P2RY2: variants seen among roughly 807,000 people sequenced by gnomAD.
P2RY2 encodes the protein P2Y purinoceptor 2.
For missense variants in P2RY2, 567 were observed against 515.7 expected, an observed-to-expected ratio of 1.10 and a Z score of -0.96; for synonymous variants, 241 against 231.9, an observed-to-expected ratio of 1.04 and a Z score of -0.35.
intron 1 of P2RY2, among the ~76,000 whole-genome samples, chr11:73,220,094 G>T (rs145450347): frequency 6.6e-6 from 1 of 152,170 alleles, no homozygotes; most frequent in Admixed American, 6.5e-5. Flanking sequence ...CAGCAGTGGC[G>T]CCCATCCCCT....
At position 73,236,835 on chromosome 11, in the gene P2RY2, G is replaced by A; in HGVS notation, c.*1542G>A. 1 of 985,436 alleles carries A rather than the reference G, an allele frequency of 1.0e-6. No homozygotes were observed. The highest frequency in any genetic ancestry group is 1.7e-5 in the African/African-American group (1 of 57,366). The allele number at this position is 985,436 out of a possible 1,614,324, so 61.0% of individuals were successfully genotyped here. ...GGGTCTCACCTATGATAGGTTCTGA[G>A]TCTAGCCAGGACCACTCTGGGCTGA... On this transcript the variant is annotated 3_prime_UTR_variant, in exon 3 of 3. Coordinates refer to ENST00000393597, the MANE Select transcript of P2RY2 (RefSeq NM_002564.4).
At chr11:73,232,661 A>C (rs1293337091) in intron 2 of P2RY2, among the ~76,000 whole-genome samples, 4 of 152,150 alleles carry the variant, frequency 2.6e-5, no homozygotes, top group Non-Finnish European at 5.9e-5. Context: ...CACCCGCCTC[A>C]GCCTCCCAAA....
rs1862735731 is a variant in P2RY2, at chr11:73,239,775, G to C, written c.*4482G>C. On this transcript the variant is annotated 3_prime_UTR_variant, in exon 3 of 3. Transcript: ENST00000393597. ...ACAGCTGCTCCCCGGGCATTTCCAA[G>C]ACCCTCCAGGCCCCCAGCTCTGAGG... The C allele has an allele frequency of 6.6e-6, 1 of 152,442 alleles. No individual in the cohort carries two copies. Among genetic ancestry groups the C allele is most frequent in the Non-Finnish European group, 1.5e-5 (1 of 68,232 alleles). 9.4% of individuals were successfully genotyped at this position (152,442 alleles called of 1,614,324 possible).
rs1335433834 is a variant in P2RY2, at chr11:73,235,895, T to G, written c.*602T>G. On this transcript the variant is annotated 3_prime_UTR_variant, in exon 3 of 3. Transcript: ENST00000393597. ...GGCTCCCATGGGCTAGGAGCCAGTG[T>G]GAGGCTGTAACTTATACTAAAGGTT... 2.0e-6 allele frequency: 2 copies of G among 1,000,274 alleles called. No homozygotes were observed. The highest frequency in any genetic ancestry group is 2.4e-6 in the Non-Finnish European group (2 of 830,076). The allele number at this position is 1,000,274 out of a possible 1,614,324, so 62.0% of individuals were successfully genotyped here.
intron 2 of P2RY2, among the ~76,000 whole-genome samples, chr11:73,229,010 TTC>T (rs1303217985): frequency 6.6e-6 from 1 of 151,690 alleles, no homozygotes; most frequent in Non-Finnish European, 1.5e-5. Flanking sequence ...CATTCATTCA[TTC>T]ATTCATTCAT....
rs755322202 is a variant in P2RY2, at chr11:73,235,183, G to A, written c.1024G>A (p.Asp342Asn). ...ARRRLGLRRS[D>N]RTDMQRIEDV... ...CCGCAGGCTGGGCCTGCGCAGATCC[G>A]ACAGAACTGACATGCAGAGGATAGA... Residue 342 changes from aspartate to asparagine, a missense_variant, in exon 3 of 3, where the codon GAC (aspartate) becomes AAC (asparagine). Physicochemically the swap from Asp to Asn is conservative, Grantham distance 23. Coordinates refer to ENST00000393597, the MANE Select transcript of P2RY2 (RefSeq NM_002564.4). The A allele has an allele frequency of 2.0e-5, 33 of 1,611,342 alleles. No homozygotes were observed. Among genetic ancestry groups the A allele is most frequent in the Non-Finnish European group, 2.5e-5 (30 of 1,179,738 alleles).
intron 1 of P2RY2, among the ~76,000 whole-genome samples, chr11:73,223,213 G>T (rs750289922): frequency 1.6e-4 from 24 of 152,186 alleles, no homozygotes; most frequent in Admixed American, 1.2e-3. Flanking sequence ...AGAATCAGAG[G>T]CTCATGTGGT....
At chr11:73,227,148 A>G (rs113302434) in intron 1 of P2RY2, among the ~76,000 whole-genome samples, 5 of 152,184 alleles carry the variant, frequency 3.3e-5, no homozygotes, top group African/African-American at 9.6e-5. Context: ...CTCATTGTTC[A>G]ACTCCCACTT....
At position 73,236,692 on chromosome 11, in the gene P2RY2, A is replaced by G. The variant is rs1489472979; in HGVS notation, c.*1399A>G. ...GCCCTGACCCTGAGGCTTCCTTTGC[A>G]CTGGGGGTAAATATGAAAGAGATTC... On this transcript the variant is annotated 3_prime_UTR_variant, in exon 3 of 3. Coordinates refer to ENST00000393597, the MANE Select transcript of P2RY2 (RefSeq NM_002564.4). 1.0e-6 allele frequency: 1 copy of G among 985,268 alleles called. No homozygotes were observed. Among genetic ancestry groups the G allele is most frequent in the East Asian group, 1.1e-4 (1 of 8,818 alleles). 61.0% of individuals were successfully genotyped at this position (985,268 alleles called of 1,614,324 possible).
chr11:73,234,485 T>C lies in P2RY2; in HGVS notation c.326T>C (p.Val109Ala). The C allele has an allele frequency of 6.2e-7, 1 of 1,614,142 alleles. No individual in the cohort carries two copies. The highest frequency in any genetic ancestry group is 1.1e-5 in the South Asian group (1 of 91,080). The change falls in exon 3 of 3, where the codon GTG (valine) becomes GCG (alanine). Residue 109 changes from valine to alanine, a missense_variant. Physicochemically the swap from Val to Ala is moderately conservative, Grantham distance 64. Transcript: ENST00000393597. Reference protein sequence around the residue: ...WPFSTVLCKLVRFLFYTNLYC... With the variant: ...WPFSTVLCKLARFLFYTNLYC... ...TTCAGCACGGTGCTCTGCAAGCTGG[T>C]GCGCTTCCTCTTCTACACCAACCTT... is the stretch of plus-strand genomic sequence containing the variant.
chr11:73,227,395 C>T (rs1862309882), intron 1 of P2RY2, among the ~76,000 whole-genome samples: 1 of 151,502 alleles, frequency 6.6e-6, no homozygotes, highest in Non-Finnish European at 1.5e-5. Flanking sequence ...GCATGTACAC[C>T]TTAGTGTGAC....
rs751291117 is a variant in P2RY2, at chr11:73,234,553, T to G, written c.394T>G (p.Cys132Gly). Residue 132 changes from cysteine to glycine, a missense_variant, in exon 3 of 3, where the codon TGT (cysteine) becomes GGT (glycine). By Grantham distance (159) the Cys-to-Gly change is radical. Transcript: ENST00000393597. ...LFLTCISVHR[C>G]LGVLRPLRSL... ...CCTCACCTGCATCAGCGTGCACCGG[T>G]GTCTGGGCGTCTTACGACCTCTGCG... is the stretch of plus-strand genomic sequence containing the variant. The G allele has an allele frequency of 6.3e-7, 1 of 1,596,486 alleles. No homozygotes were observed. Among genetic ancestry groups the G allele is most frequent in the African/African-American group, 1.3e-5 (1 of 74,672 alleles).
In P2RY2 at chr11:73,234,930, C is replaced by T; in HGVS notation, c.771C>T (p.Cys257=). ...TGGTGCTGGCTGTCTTCGCCCTCTGCTTCCTGCCATTCCACGTCACCCGCA... is the reference window on the plus strand; with the variant it reads ...TGGTGCTGGCTGTCTTCGCCCTCTGTTTCCTGCCATTCCACGTCACCCGCA... ...IAVVLAVFAL[C]FLPFHVTRTL... The change falls in exon 3 of 3, where the codon TGC becomes TGT. Residue 257 remains cysteine, a synonymous_variant. Transcript: ENST00000393597. 1 of 1,611,076 alleles carries T rather than the reference C, an allele frequency of 6.2e-7. No homozygotes were observed. The highest frequency in any genetic ancestry group is 8.5e-7 in the Non-Finnish European group (1 of 1,180,024).
In P2RY2 at chr11:73,222,672, C is replaced by T. The variant is rs12277861; in HGVS notation, c.-200+4240C>T. Among the ~76,000 whole-genome samples, 427 of 152,258 alleles carry T rather than the reference C, an allele frequency of 2.8e-3. 3 individuals are homozygous for T. Among genetic ancestry groups the T allele is most frequent in the African/African-American group, 9.5e-3 (393 of 41,552 alleles). The stretch of plus-strand genomic sequence containing the variant: ...AAGTCTTTGCTCATGCCTCTCCTGC[C>T]TTCAGAGCCCTCCTCCCTCTTTGCC... On this transcript the variant is annotated intron_variant, in intron 1 of 2. Transcript: ENST00000393597.
rs1862663987 is a variant in P2RY2 at position 73,236,777 on chromosome 11, T to C, written c.*1484T>C. The C allele has an allele frequency of 1.0e-6, 1 of 985,394 alleles. No individual in the cohort carries two copies. The allele number at this position is 985,394 out of a possible 1,614,324, so 61.0% of individuals were successfully genotyped here. On this transcript the variant is annotated 3_prime_UTR_variant, in exon 3 of 3. Coordinates refer to ENST00000393597, the MANE Select transcript of P2RY2 (RefSeq NM_002564.4). ...AAATCCCAGAATGGCAGGGTGGTGC[T>C]CAGGCTGGGTCAGGACTTAGTATGG...
At chr11:73,221,696 C>T (rs1862120455) in intron 1 of P2RY2, among the ~76,000 whole-genome samples, 1 of 152,154 alleles carries the variant, frequency 6.6e-6, no homozygotes, top group Non-Finnish European at 1.5e-5. Flanking sequence ...TCTTGGTTGT[C>T]CTTGGGTCCT....
Position 73,234,812 on chromosome 11 carries a change from A to G in P2RY2, c.653A>G (p.Tyr218Cys). 1 of 1,611,780 alleles carries G rather than the reference A, an allele frequency of 6.2e-7. No homozygotes were observed. Among genetic ancestry groups the G allele is most frequent in the Non-Finnish European group, 8.5e-7 (1 of 1,179,934 alleles). Residue 218 changes from tyrosine to cysteine, a missense_variant, in exon 3 of 3, where the codon TAC becomes TGC. Coordinates refer to ENST00000393597, the MANE Select transcript of P2RY2 (RefSeq NM_002564.4). The part of the protein sequence containing the change: ...AVPFAVILVC[Y>C]VLMARRLLKP... The stretch of plus-strand genomic sequence containing the variant: ...CCCTTTGCCGTCATCCTTGTCTGTT[A>G]CGTGCTCATGGCTCGGCGACTGCTA...
chr11:73,234,678 C>G lies in P2RY2; in HGVS notation c.519C>G (p.Thr173=). 6.3e-7 allele frequency: 1 copy of G among 1,597,598 alleles called. No individual in the cohort carries two copies. The change falls in exon 3 of 3, where the codon ACC becomes ACG. Residue 173 remains threonine (T), a synonymous_variant. Coordinates refer to ENST00000393597, the MANE Select transcript of P2RY2 (RefSeq NM_002564.4). ...AGGCCCCCGTGCTCTACTTTGTCAC[C>G]ACCAGCGCGCGCGGGGGCCGCGTAA... ...ACQAPVLYFV[T]TSARGGRVTC... is the part of the protein sequence containing the mutation.
At chr11:73,229,814 C>T (rs990510958) in intron 2 of P2RY2, among the ~76,000 whole-genome samples, 2 of 151,996 alleles carry the variant, frequency 1.3e-5, no homozygotes, top group Admixed American at 1.3e-4. Context: ...GGAAGTCAGG[C>T]CTCGGCACGG....
Sources: allele counts gnomAD v4.1 joint callset (sites outside exome capture counted in the v4.1 genomes callset), GRCh38; gene constraint gnomAD v4.1.1; transcripts MANE v1.5; gene names NCBI Gene and HGNC (gene_info 2026-07-23, HGNC 2026-07-21).